SH3GL2: variants seen among roughly 807,000 people sequenced by gnomAD.
SH3GL2 encodes endophilin-A1.
Under a neutral mutation model 46.0 loss-of-function variants are expected in SH3GL2, and 24 were observed. The observed-to-expected ratio is 0.52, with a 90% confidence interval of 0.38 to 0.73. The LOEUF (loss-of-function observed/expected upper bound fraction) is 0.73. SH3GL2 is among the 30% of genes least tolerant of loss of function. The pLI, the probability that SH3GL2 is intolerant of heterozygous loss-of-function variation, is 0.00. For missense variants in SH3GL2, 413 were observed against 424.2 expected (o/e 0.97, Z 0.23); for synonymous variants, 196 against 147.1 (o/e 1.33, Z -2.40).
chr9:17,673,863 T>A (rs1820537195), intron 1 of SH3GL2, among the ~76,000 whole-genome samples: 1 of 152,148 alleles, frequency 6.6e-6, no homozygotes, highest in Non-Finnish European at 1.5e-5. Context: ...TGCTCACCCA[T>A]CTGCTGCCAT....
In SH3GL2 at chr9:17,649,884, G is replaced by T. The variant is rs1028380103; in HGVS notation, c.45+70597G>T. Reference sequence around the variant, plus strand: ...AGTGACAAAGAAAAATCACAGTTCAGAGATTTGACAGGTTTGTACTGAAAT... The same window carrying T: ...AGTGACAAAGAAAAATCACAGTTCATAGATTTGACAGGTTTGTACTGAAAT... On this transcript the variant is annotated intron_variant, in intron 1 of 8. Transcript: ENST00000380607. Among the ~76,000 whole-genome samples the T allele has an allele frequency of 7.9e-5, 12 of 152,292 alleles. 1 individual carries two copies. Among genetic ancestry groups the T allele is most frequent in the Non-Finnish European group, 1.5e-4 (10 of 68,014 alleles).
intron 1 of SH3GL2, among the ~76,000 whole-genome samples, chr9:17,598,607 C>G (rs1006338871): frequency 6.6e-6 from 1 of 152,192 alleles, no homozygotes; most frequent in African/African-American, 2.4e-5. Flanking sequence ...ATCCTTTAGG[C>G]CTTGATCCAG....
chr9:17,791,343 C>T lies in SH3GL2; in HGVS notation c.728+9C>T. The T allele has an allele frequency of 1.3e-6, 2 of 1,525,456 alleles. No individual in the cohort carries two copies. The highest frequency in any genetic ancestry group is 1.1e-5 in the South Asian group (1 of 89,268). 94.5% of individuals were successfully genotyped at this position (1,525,456 alleles called of 1,614,324 possible). A position where few individuals can be genotyped will look rare whatever the true frequency, so the allele number is the denominator to read the frequency against. On this transcript the variant is annotated intron_variant, in intron 7 of 8. Coordinates refer to ENST00000380607, the MANE Select transcript of SH3GL2 (RefSeq NM_003026.5). ...GTCAGACTGGAAGAAAGGTATTCTA[C>T]AGTTCCCTGCATTTCACATTTGCAT...
intron 1 of SH3GL2, among the ~76,000 whole-genome samples, chr9:17,670,221 C>T (rs148993568): frequency 8.7e-4 from 132 of 152,250 alleles, no homozygotes; most frequent in African/African-American, 3.0e-3. Context: ...CCCTTTCTGT[C>T]CATGCAACTG....
chr9:17,670,003 A>G (rs796999060), intron 1 of SH3GL2, among the ~76,000 whole-genome samples: 44 of 152,294 alleles, frequency 2.9e-4, no homozygotes, highest in African/African-American at 9.9e-4. Context: ...GGGAGGCAGT[A>G]TCTGAACATA....
At chr9:17,762,399 C>CA (rs373498696) in intron 3 of SH3GL2, among the ~76,000 whole-genome samples, 4,181 of 44,694 alleles carry the variant, frequency 0.094, 185 homozygotes, top group African/African-American at 0.26. Context: ...GACAAGTGAT[C>CA]AAAAAAAAAA....
At chr9:17,715,792 A>G (rs1015174123) in intron 1 of SH3GL2, among the ~76,000 whole-genome samples, 9 of 152,040 alleles carry the variant, frequency 5.9e-5, no homozygotes, top group Non-Finnish European at 1.0e-4. Context: ...CTAATATACC[A>G]AACATTATAG....
At chr9:17,651,693 G>A (rs1459882342) in intron 1 of SH3GL2, among the ~76,000 whole-genome samples, 1 of 152,124 alleles carries the variant, frequency 6.6e-6, no homozygotes, top group Non-Finnish European at 1.5e-5. Context: ...AGAGATTTGT[G>A]TTGGCTAAAG....
At chr9:17,634,823 A>G (rs960717854) in intron 1 of SH3GL2, among the ~76,000 whole-genome samples, 1 of 152,154 alleles carries the variant, frequency 6.6e-6, no homozygotes, top group Admixed American at 6.5e-5. Flanking sequence ...CACACAATAC[A>G]CACATGATCT....
At chr9:17,734,814 C>G (rs1391956136) in intron 1 of SH3GL2, among the ~76,000 whole-genome samples, 1 of 151,970 alleles carries the variant, frequency 6.6e-6, no homozygotes, top group Non-Finnish European at 1.5e-5. Flanking sequence ...GGGGAAGGAG[C>G]CTGGGCAGTG....
intron 1 of SH3GL2, among the ~76,000 whole-genome samples, chr9:17,704,430 GA>G (rs34599554): frequency 0.24 from 35,251 of 149,688 alleles, 4,848 homozygotes; most frequent in Admixed American, 0.35. Flanking sequence ...CACAGAATTA[GA>G]AAAAAAAAAT....
rs149010791 is a variant in SH3GL2 at position 17,702,862 on chromosome 9, C to T, written c.46-44204C>T. On this transcript the variant is annotated intron_variant, in intron 1 of 8. Coordinates refer to ENST00000380607, the MANE Select transcript of SH3GL2 (RefSeq NM_003026.5). ...AAATTTCTATTAAACTAAATTTAGACATGCTTCCCCCTTTCAGTGTTCCAA... is the reference window on the plus strand; with the variant it reads ...AAATTTCTATTAAACTAAATTTAGATATGCTTCCCCCTTTCAGTGTTCCAA... Among the ~76,000 whole-genome samples, 825 of 152,164 alleles carry T rather than the reference C, an allele frequency of 5.4e-3. 1 individual carries two copies. The highest frequency in any genetic ancestry group is 8.5e-3 in the Non-Finnish European group (581 of 68,004).
rs536083107 is a variant in SH3GL2, at chr9:17,619,935, A to C, written c.45+40648A>C. 2.6e-5 allele frequency among the ~76,000 whole-genome samples: 4 copies of C among 152,284 alleles called. No individual in the cohort carries two copies. In the East Asian group the frequency reaches 7.7e-4, roughly 29 times the overall value. On this transcript the variant is annotated intron_variant, in intron 1 of 8. Transcript: ENST00000380607. ...TTCATTGTCATCAGCCTGGAGTGTTAAATGCTTTTCCCTTTGATTTCTGAT... is the reference window on the plus strand; with the variant it reads ...TTCATTGTCATCAGCCTGGAGTGTTCAATGCTTTTCCCTTTGATTTCTGAT...
chr9:17,785,002 C>G (rs1823912991), intron 3 of SH3GL2, among the ~76,000 whole-genome samples: 1 of 152,180 alleles, frequency 6.6e-6, no homozygotes, highest in African/African-American at 2.4e-5. Flanking sequence ...CATAAGCCAC[C>G]ACACTTAGCC....
At chr9:17,658,534 G>T (rs993077965) in intron 1 of SH3GL2, among the ~76,000 whole-genome samples, 6 of 152,186 alleles carry the variant, frequency 3.9e-5, no homozygotes, top group Admixed American at 3.9e-4. Context: ...AATGTGTACT[G>T]TATGTGCCAG....
chr9:17,740,235 T>G (rs2118488775), intron 1 of SH3GL2, among the ~76,000 whole-genome samples: 1 of 152,230 alleles, frequency 6.6e-6, no homozygotes, highest in African/African-American at 2.4e-5. Context: ...AATATATATT[T>G]TTTGAAATCC....
chr9:17,690,972 C>T (rs766108260), intron 1 of SH3GL2, among the ~76,000 whole-genome samples: 13 of 152,150 alleles, frequency 8.5e-5, no homozygotes, highest in Non-Finnish European at 1.5e-4. Flanking sequence ...AAAAACCTTA[C>T]TACCGAAGTG....
At position 17,782,970 on chromosome 9, in the gene SH3GL2, C is replaced by T. The variant is rs538663896; in HGVS notation, c.188-3411C>T. Among the ~76,000 whole-genome samples the T allele has an allele frequency of 5.3e-5, 8 of 152,154 alleles. No individual in the cohort carries two copies. The South Asian group carries it at 6.2e-4, about 12-fold the overall frequency. Reference sequence around the variant, plus strand: ...ATTCTGATTTTTGTCCATGGAAACACGCAAGGAAGGGACTCTGGGCAGTGC... The same window carrying T: ...ATTCTGATTTTTGTCCATGGAAACATGCAAGGAAGGGACTCTGGGCAGTGC... On this transcript the variant is annotated intron_variant, in intron 3 of 8. Coordinates refer to ENST00000380607, the MANE Select transcript of SH3GL2 (RefSeq NM_003026.5).
chr9:17,697,645 C>T (rs1317876510), intron 1 of SH3GL2, among the ~76,000 whole-genome samples: 1 of 152,150 alleles, frequency 6.6e-6, no homozygotes, highest in Non-Finnish European at 1.5e-5. Flanking sequence ...CCTCTATTAG[C>T]AACTTCATTA....
Sources: allele counts gnomAD v4.1 joint callset (sites outside exome capture counted in the v4.1 genomes callset), GRCh38; gene constraint gnomAD v4.1.1; transcripts MANE v1.5; gene names NCBI Gene and HGNC (gene_info 2026-07-23, HGNC 2026-07-21).